The following NPSR1 variants were observed in gnomAD, a reference collection of about 807,000 sequenced individuals.
NPSR1 encodes the protein neuropeptide S receptor.
Under a neutral mutation model 46.9 loss-of-function variants are expected in NPSR1, and 48 were observed. The ratio of observed to expected loss-of-function variants is 1.02; its 90% confidence interval spans 0.81 to 1.30. The LOEUF (loss-of-function observed/expected upper bound fraction) is 1.30. NPSR1 is among the 50% of genes most tolerant of loss of function. The pLI is 0.00. For missense variants in NPSR1, 450 were observed against 449.5 expected, an observed-to-expected ratio of 1.00 and a Z score of -0.01; for synonymous variants, 176 against 168.1, an observed-to-expected ratio of 1.05 and a Z score of -0.36.
At chr7:34,757,460 G>T (rs1441806872) in intron 2 of NPSR1, among the ~76,000 whole-genome samples, 2 of 152,156 alleles carry the variant, frequency 1.3e-5, no homozygotes, top group Non-Finnish European at 2.9e-5. Flanking sequence ...GCCAGTGTTT[G>T]TTCCCCACTT....
At chr7:34,790,351 AG>A (rs1787673689) in intron 3 of NPSR1, among the ~76,000 whole-genome samples, 1 of 152,072 alleles carries the variant, frequency 6.6e-6, no homozygotes, top group South Asian at 2.1e-4. Context: ...TCAACAAATT[AG>A]GTACAGAAGA....
chr7:34,712,537 C>T (rs1467976983), intron 2 of NPSR1, among the ~76,000 whole-genome samples: 3 of 152,106 alleles, frequency 2.0e-5, no homozygotes, highest in African/African-American at 7.2e-5. Flanking sequence ...TTATAAAGTA[C>T]CTGGTGATTC....
intron 1 of NPSR1, among the ~76,000 whole-genome samples, chr7:34,680,977 T>C (rs553878055): frequency 5.6e-4 from 85 of 152,022 alleles, no homozygotes; most frequent in African/African-American, 2.0e-3. Context: ...AATAATTATA[T>C]GGGCTTTTAC....
chr7:34,776,662 G>T (rs569002619), intron 2 of NPSR1, among the ~76,000 whole-genome samples: 10 of 152,110 alleles, frequency 6.6e-5, no homozygotes, highest in African/African-American at 2.4e-4. Flanking sequence ...TTTTCAATCC[G>T]TTCAGCCACT....
intron 2 of NPSR1, among the ~76,000 whole-genome samples, chr7:34,687,872 GC>G (rs1193311123): frequency 6.6e-6 from 1 of 152,162 alleles, no homozygotes; most frequent in African/African-American, 2.4e-5. Context: ...ATTTCATAGA[GC>G]AGAAAATTTT....
At chr7:34,876,925 G>C (rs1476513986) in intron 8 of NPSR1, among the ~76,000 whole-genome samples, 1 of 152,214 alleles carries the variant, frequency 6.6e-6, no homozygotes, top group Non-Finnish European at 1.5e-5. Flanking sequence ...GTGGGTGGCA[G>C]GAGTCACTGG....
intron 3 of NPSR1, among the ~76,000 whole-genome samples, chr7:34,795,668 GA>G (rs1413887415): frequency 6.6e-6 from 1 of 151,974 alleles, no homozygotes; most frequent in African/African-American, 2.4e-5. Context: ...TAGCACACCT[GA>G]AAATGAAATA....
intron 3 of NPSR1, among the ~76,000 whole-genome samples, chr7:34,789,324 G>C (rs1787611162): frequency 1.3e-5 from 2 of 151,606 alleles, no homozygotes; most frequent in Admixed American, 1.3e-4. Context: ...ATGGAGAATA[G>C]AAAAACAATA....
At chr7:34,753,437 G>C (rs753605173) in intron 2 of NPSR1, 8 of 152,294 alleles carry the variant, frequency 5.3e-5, no homozygotes, top group Non-Finnish European at 1.0e-4. Flanking sequence ...AGGTGTGGTG[G>C]TGCACGCCTG....
chr7:34,828,501 C>A (rs1391313496), intron 5 of NPSR1, among the ~76,000 whole-genome samples: 1 of 152,212 alleles, frequency 6.6e-6, no homozygotes, highest in Non-Finnish European at 1.5e-5. Context: ...CTGAAATGGG[C>A]TCTGCATGTG....
intron 1 of NPSR1, among the ~76,000 whole-genome samples, chr7:34,659,874 A>G (rs901625739): frequency 6.6e-5 from 10 of 152,168 alleles, no homozygotes; most frequent in Non-Finnish European, 1.2e-4. Context: ...GACTCCACTC[A>G]GTATTGCTGC....
chr7:34,701,689 G>T (rs1793839858), intron 2 of NPSR1, among the ~76,000 whole-genome samples: 1 of 152,182 alleles, frequency 6.6e-6, no homozygotes, highest in African/African-American at 2.4e-5. Context: ...ACTGACATCA[G>T]CAATGAAACA....
chr7:34,663,277 G>A (rs1191251037), intron 1 of NPSR1, among the ~76,000 whole-genome samples: 1 of 151,980 alleles, frequency 6.6e-6, no homozygotes, highest in Non-Finnish European at 1.5e-5. Context: ...CTGGGGTAAT[G>A]TCCCTTGGCC....
At chr7:34,679,718 G>C (rs967111660) in intron 1 of NPSR1, among the ~76,000 whole-genome samples, 1 of 151,982 alleles carries the variant, frequency 6.6e-6, no homozygotes, top group Non-Finnish European at 1.5e-5. Context: ...AGATGAAATA[G>C]ACATAAAATC....
At chr7:34,673,646 C>T (rs567570868) in intron 1 of NPSR1, among the ~76,000 whole-genome samples, 67 of 152,252 alleles carry the variant, frequency 4.4e-4, no homozygotes, top group African/African-American at 1.6e-3. Flanking sequence ...CTTGTCTTGC[C>T]AGTCTCCAGA....
chr7:34,868,279 G>C (rs1165777998), intron 8 of NPSR1, among the ~76,000 whole-genome samples: 2 of 151,576 alleles, frequency 1.3e-5, no homozygotes, highest in Admixed American at 6.6e-5. Context: ...CCTGGGGAGG[G>C]AGGGACCAGG....
chr7:34,788,800 A>T (rs1007920231), intron 3 of NPSR1, among the ~76,000 whole-genome samples: 1 of 152,148 alleles, frequency 6.6e-6, no homozygotes, highest in African/African-American at 2.4e-5. Flanking sequence ...ACTTTAGACC[A>T]AATGGACCTA....
intron 3 of NPSR1, 148 bp from the exon 4 acceptor site, chr7:34,811,622 A>G: frequency 1.8e-6 from 1 of 546,844 alleles, no homozygotes; most frequent in South Asian, 2.7e-5. Context: ...TGTCCATGTA[A>G]GAGAGTTATT....
chr7:34,742,601 C>T (rs890539254), intron 2 of NPSR1, among the ~76,000 whole-genome samples: 14 of 152,160 alleles, frequency 9.2e-5, no homozygotes, highest in African/African-American at 3.1e-4. Flanking sequence ...TATGTCTTTG[C>T]TCTTGTGAAT....
Sources: gnomAD v4.1 joint callset for allele counts (sites outside exome capture counted in the v4.1 genomes callset) on GRCh38, gnomAD v4.1.1 for gene constraint, MANE v1.5 for transcripts, NCBI Gene and HGNC (gene_info 2026-07-23, HGNC 2026-07-21) for gene names.